CNIH4: variants seen among roughly 807,000 people sequenced by gnomAD.
The protein encoded by CNIH4 is protein cornichon homolog 4.
CNIH4 carries 9 observed loss-of-function variants against 21.5 expected under a neutral mutation model. The ratio of observed to expected loss-of-function variants is 0.42; its 90% CI spans 0.25 to 0.73. The LOEUF is 0.73. Among genes scored for constraint, CNIH4 ranks in the 30% least tolerant of loss-of-function variants. The probability of loss-of-function intolerance (pLI) is 0.27; values close to 1 mark genes in which losing one functional copy is unlikely to be tolerated. For synonymous variants in CNIH4, 67 were observed against 59.1 expected (o/e 1.13, Z -0.61); for missense variants, 159 against 170.0 (o/e 0.94, Z 0.36).
chr1:224,375,642 T>C (rs1173896979), intron 4 of CNIH4, among the ~76,000 whole-genome samples, 153 bp from the exon 5 acceptor site: 1 of 152,144 alleles, frequency 6.6e-6, no homozygotes, highest in Non-Finnish European at 1.5e-5. Context: ...ACATGAAAGA[T>C]CCTAATATAT....
In CNIH4 at chr1:224,377,806, T is replaced by G. The variant is rs1165799910; in HGVS notation, c.*1984T>G. On this transcript the variant is annotated 3_prime_UTR_variant, in exon 5 of 5. Transcript: ENST00000465271. Reference sequence around the variant, plus strand: ...TGTAGATGACTTTTGACCAAAATGTTTCACCTTCTCATTCAGATATTCTTA... The same window carrying G: ...TGTAGATGACTTTTGACCAAAATGTGTCACCTTCTCATTCAGATATTCTTA... 2 of 152,106 alleles carry G rather than the reference T, an allele frequency of 1.3e-5. No homozygotes were observed. Among genetic ancestry groups the G allele is most frequent in the African/African-American group, 4.8e-5 (2 of 41,402 alleles). The allele number at this position is 152,106 out of a possible 1,614,324, so 9.4% of individuals were successfully genotyped here. A position where few individuals can be genotyped will look rare whatever the true frequency, so the allele number is the denominator to read the frequency against.
In CNIH4 at chr1:224,378,977, C is replaced by A. The variant is rs903992093; in HGVS notation, c.*3155C>A. On this transcript the variant is annotated 3_prime_UTR_variant, in exon 5 of 5. Transcript: ENST00000465271. ...CCCCTTCCCTCTATAATGGCAGTACCCAGGGCCCGGTCCATAGACTACTAT... is the reference window on the plus strand; with the variant it reads ...CCCCTTCCCTCTATAATGGCAGTACACAGGGCCCGGTCCATAGACTACTAT... 2.3e-5 allele frequency: 30 copies of A among 1,279,508 alleles called. No homozygotes were observed. The African/African-American group carries it at 3.5e-4, about 15-fold the overall frequency. The allele number at this position is 1,279,508 out of a possible 1,614,324, so 79.3% of individuals were successfully genotyped here.
At chr1:224,360,906 T>C (rs112398462) in intron 2 of CNIH4, among the ~76,000 whole-genome samples, 12 of 152,200 alleles carry the variant, frequency 7.9e-5, no homozygotes, top group African/African-American at 2.4e-4. Context: ...AGTCTGTCTT[T>C]GGTTGAATGA....
chr1:224,357,313 GC>G (rs1256505967), intron 1 of CNIH4: 1 of 264,676 alleles, frequency 3.8e-6, no homozygotes, highest in Non-Finnish European at 7.0e-6. Context: ...TCCCCGCGGC[GC>G]CCGGACCAGC....
chr1:224,375,694 T>C (rs915261086), intron 4 of CNIH4, 101 bp from the exon 5 acceptor site: 67 of 1,263,972 alleles, frequency 5.3e-5, no homozygotes, highest in Non-Finnish European at 6.8e-5. Flanking sequence ...ACTCAAATGA[T>C]TGTTCCTTTG....
chr1:224,368,530 T>C (rs1672531892), intron 3 of CNIH4, among the ~76,000 whole-genome samples: 1 of 152,168 alleles, frequency 6.6e-6, no homozygotes, highest in African/African-American at 2.4e-5. Context: ...TACTTTATGC[T>C]GTTGGAGATG....
chr1:224,359,299 A>G (rs1378060757), intron 1 of CNIH4, among the ~76,000 whole-genome samples: 1 of 152,244 alleles, frequency 6.6e-6, no homozygotes, highest in African/African-American at 2.4e-5. Context: ...GTTGGAAACA[A>G]GAAAGATTGG....
intron 3 of CNIH4, among the ~76,000 whole-genome samples, chr1:224,368,788 T>C (rs1286062530): frequency 6.6e-6 from 1 of 152,066 alleles, no homozygotes; most frequent in Non-Finnish European, 1.5e-5. Flanking sequence ...ACCCAACGTG[T>C]TGGGATTACA....
intron 2 of CNIH4, among the ~76,000 whole-genome samples, chr1:224,362,064 C>G (rs1672302558): frequency 6.8e-6 from 1 of 147,706 alleles, no homozygotes; most frequent in Admixed American, 7.1e-5. Context: ...TCCAGTGGTT[C>G]AAGTTGGGAA....
At chr1:224,365,744 G>T in intron 2 of CNIH4, 135 bp from the exon 3 acceptor site, 1 of 673,234 alleles carries the variant, frequency 1.5e-6, no homozygotes. Flanking sequence ...GCAAATCTGG[G>T]ACATGGGAGT....
At position 224,378,553 on chromosome 1, in the gene CNIH4, G is replaced by T. The variant is rs1294742487; in HGVS notation, c.*2731G>T. On this transcript the variant is annotated 3_prime_UTR_variant, in exon 5 of 5. Coordinates refer to ENST00000465271, the MANE Select transcript of CNIH4 (RefSeq NM_014184.4). ...AGATCGTTCAGGGTGTTGTAACTGG[G>T]AACATCTGAATGCTGAGGCCTAGAG... 6.6e-6 allele frequency: 1 copy of T among 151,944 alleles called. No homozygotes were observed. The highest frequency in any genetic ancestry group is 1.5e-5 in the Non-Finnish European group (1 of 68,240). 9.4% of individuals were successfully genotyped at this position (151,944 alleles called of 1,614,324 possible).
intron 3 of CNIH4, 70 bp downstream of exon 3, chr1:224,366,061 A>G (rs1672443277): frequency 1.0e-6 from 1 of 971,682 alleles, no homozygotes; most frequent in Non-Finnish European, 1.7e-6. Context: ...GTTTTTTTCA[A>G]GACAGGATCT....
intron 1 of CNIH4, among the ~76,000 whole-genome samples, chr1:224,357,887 G>T (rs1319076717): frequency 6.6e-6 from 1 of 152,172 alleles, no homozygotes; most frequent in African/African-American, 2.4e-5. Context: ...AGGCTTAGTT[G>T]TTGCCCAATG....
chr1:224,358,797 T>G (rs1239227229), intron 1 of CNIH4, among the ~76,000 whole-genome samples: 3 of 152,212 alleles, frequency 2.0e-5, no homozygotes, highest in East Asian at 3.8e-4. Context: ...AATTTATGCA[T>G]TTAGAGAAAT....
rs148400218 is a variant in CNIH4 at position 224,374,928 on chromosome 1, A to G, written c.393-867A>G. Among the ~76,000 whole-genome samples the G allele has an allele frequency of 2.9e-3, 448 of 152,336 alleles. 7 individuals are homozygous for G. Among genetic ancestry groups the G allele is most frequent in the East Asian group, 0.027 (140 of 5,194 alleles). ...TATGGTTGAATTTGGACAATTATTT[A>G]TACCATAAGTGATGTAAGGATATTT... On this transcript the variant is annotated intron_variant, in intron 4 of 4. Coordinates refer to ENST00000465271, the MANE Select transcript of CNIH4 (RefSeq NM_014184.4).
At chr1:224,374,985 G>A (rs1281308855) in intron 4 of CNIH4, among the ~76,000 whole-genome samples, 5 of 152,210 alleles carry the variant, frequency 3.3e-5, no homozygotes, top group Admixed American at 6.5e-5. Context: ...TTTCAGCAGA[G>A]CAAGGCTGAT....
intron 3 of CNIH4, among the ~76,000 whole-genome samples, chr1:224,368,413 T>G (rs1263773233): frequency 6.6e-6 from 1 of 152,234 alleles, no homozygotes; most frequent in Non-Finnish European, 1.5e-5. Flanking sequence ...TTTATTGCCC[T>G]GGTAACTGCA....
At chr1:224,368,661 CT>C (rs1294062152) in intron 3 of CNIH4, among the ~76,000 whole-genome samples, 3 of 130,338 alleles carry the variant, frequency 2.3e-5, no homozygotes, top group African/African-American at 5.3e-5. Flanking sequence ...AGCAGCTGCA[CT>C]TTTTTTTTTT....
chr1:224,372,188 A>G (rs939174676), intron 4 of CNIH4, among the ~76,000 whole-genome samples: 4 of 152,222 alleles, frequency 2.6e-5, no homozygotes, highest in Non-Finnish European at 5.9e-5. Context: ...TCTTCTAGTT[A>G]TAACACACTG....
Sources: gnomAD v4.1 joint callset for allele counts (sites outside exome capture counted in the v4.1 genomes callset) on GRCh38, gnomAD v4.1.1 for gene constraint, MANE v1.5 for transcripts, NCBI Gene and HGNC (gene_info 2026-07-23, HGNC 2026-07-21) for gene names.